Variants in CDH18 observed in about 807,000 individuals in gnomAD.
CDH18 encodes cadherin 18, also known as cadherin-18.
Under a neutral mutation model 67.9 loss-of-function variants are expected in CDH18, and 31 were observed. The observed-to-expected ratio is 0.46, with a 90% CI of 0.34 to 0.62. The LOEUF is 0.62. CDH18 is among the 20% of genes least tolerant of loss of function. The pLI, the probability that CDH18 is intolerant of heterozygous loss-of-function variation, is 0.01. For missense variants in CDH18, 890 were observed against 975.5 expected, an observed-to-expected ratio of 0.91 and a Z score of 1.17; for synonymous variants, 362 against 347.2, an observed-to-expected ratio of 1.04 and a Z score of -0.48.
intron 1 of CDH18, among the ~76,000 whole-genome samples, chr5:20,484,295 G>A (rs180775364): frequency 1.3e-5 from 2 of 152,090 alleles, no homozygotes; most frequent in Non-Finnish European, 2.9e-5. Flanking sequence ...TGGCAAGGAT[G>A]TGGAGAAAAG....
At chr5:19,819,531 T>A (rs1779636184) in intron 3 of CDH18, among the ~76,000 whole-genome samples, 1 of 152,118 alleles carries the variant, frequency 6.6e-6, no homozygotes, top group Non-Finnish European at 1.5e-5. Flanking sequence ...TGGCTCCCAG[T>A]TCTGACCAGG....
chr5:19,957,813 G>A (rs561372019), intron 2 of CDH18, among the ~76,000 whole-genome samples: 63 of 150,158 alleles, frequency 4.2e-4, no homozygotes, highest in Non-Finnish European at 7.8e-4. Context: ...TTTATTTTCA[G>A]AGTTAAAGGA....
chr5:19,909,036 T>C (rs1188215236), intron 2 of CDH18, among the ~76,000 whole-genome samples: 1 of 152,098 alleles, frequency 6.6e-6, no homozygotes, highest in Non-Finnish European at 1.5e-5. Flanking sequence ...GGAGCACATC[T>C]CCTATCCTCA....
intron 3 of CDH18, among the ~76,000 whole-genome samples, chr5:19,779,671 C>T (rs1774867360): frequency 6.6e-6 from 1 of 152,294 alleles, no homozygotes; most frequent in Middle Eastern, 3.4e-3. Context: ...ATCTTACTTA[C>T]ACCAACATCC....
At chr5:19,660,251 C>G (rs1024918007) in intron 5 of CDH18, among the ~76,000 whole-genome samples, 3 of 152,002 alleles carry the variant, frequency 2.0e-5, no homozygotes, top group African/African-American at 7.2e-5. Flanking sequence ...AGGCAACATA[C>G]GTGAACGTTC....
intron 7 of CDH18, among the ~76,000 whole-genome samples, chr5:19,584,944 AAGAT>A (rs1325605106): frequency 6.6e-6 from 1 of 151,624 alleles, no homozygotes; most frequent in East Asian, 1.9e-4. Flanking sequence ...GCAGTGAGTC[AAGAT>A]CGCACCACTG....
chr5:20,101,086 G>A lies in CDH18; in HGVS notation c.-517-109072C>T, dbSNP rs762823890. 9.1e-4 allele frequency among the ~76,000 whole-genome samples: 138 copies of A among 151,776 alleles called. 1 individual carries two copies. The highest frequency in any genetic ancestry group is 4.1e-3 in the Admixed American group (63 of 15,222). On this transcript the variant is annotated intron_variant, in intron 2 of 14. Transcript: ENST00000507958. ...CCTACCCAACCCTCTCACCTGGCTG[G>A]GACTACAGGTATGTACACCACATCG...
chr5:20,353,952 T>C (rs1435043703), intron 1 of CDH18, among the ~76,000 whole-genome samples: 1 of 152,224 alleles, frequency 6.6e-6, no homozygotes. Flanking sequence ...CTCGGTCAAT[T>C]TACTTTTAAA....
intron 1 of CDH18, among the ~76,000 whole-genome samples, chr5:20,307,982 G>A (rs1402436241): frequency 6.8e-6 from 1 of 147,730 alleles, no homozygotes; most frequent in Admixed American, 6.8e-5. Flanking sequence ...TTTTATTGTT[G>A]TTAGCTAAAT....
intron 3 of CDH18, among the ~76,000 whole-genome samples, chr5:19,763,683 T>C (rs939275038): frequency 2.6e-5 from 4 of 151,940 alleles, no homozygotes; most frequent in Non-Finnish European, 4.4e-5. Context: ...AGCAACGAAA[T>C]TGGATGAACT....
intron 1 of CDH18, among the ~76,000 whole-genome samples, chr5:20,346,960 AG>A (rs1477861572): frequency 6.6e-6 from 1 of 152,148 alleles, no homozygotes; most frequent in Non-Finnish European, 1.5e-5. Context: ...CAGAAAAATG[AG>A]GGGTATGTGC....
rs70950076 is a variant in CDH18 at position 19,593,709 on chromosome 5, T to TCCTCCTTCTTCC, written c.812-2466_812-2465insGGAAGAAGGAGG. Among the ~76,000 whole-genome samples the TCCTCCTTCTTCC allele has an allele frequency of 1.6e-3, 179 of 111,224 alleles. 11 individuals carry two copies. Among genetic ancestry groups the TCCTCCTTCTTCC allele is most frequent in the Middle Eastern group, 4.2e-3 (1 of 236 alleles). The allele number at this position is 111,224 out of a possible 152,430, so 73.0% of individuals were successfully genotyped here. A position where few individuals can be genotyped will look rare whatever the true frequency, so the allele number is the denominator to read the frequency against. On this transcript the variant is annotated intron_variant, in intron 6 of 12. Coordinates refer to ENST00000382275, the MANE Select transcript of CDH18 (RefSeq NM_004934.5). ...CTTCTCTTCCTCTTCCTCCTCCTCCTTCTTCTTCTTCTTCTTCTTCTTCTT... is the reference window on the plus strand; with the variant it reads ...CTTCTCTTCCTCTTCCTCCTCCTCCTCCTCCTTCTTCCTCTTCTTCTTCTTCTTCTTCTTCTT...
chr5:19,509,503 G>A (rs1442781465), intron 10 of CDH18, among the ~76,000 whole-genome samples: 3 of 151,962 alleles, frequency 2.0e-5, no homozygotes, highest in African/African-American at 4.8e-5. Flanking sequence ...TAATATAATC[G>A]TTAATAGTAT....
chr5:20,234,041 AAC>A (rs1213687985), intron 2 of CDH18, among the ~76,000 whole-genome samples: 5 of 152,134 alleles, frequency 3.3e-5, no homozygotes, highest in Non-Finnish European at 7.4e-5. Flanking sequence ...CCATAATAAC[AAC>A]ACTTTCATTC....
intron 1 of CDH18, among the ~76,000 whole-genome samples, chr5:20,549,574 G>T (rs1270631664): frequency 6.6e-6 from 1 of 152,134 alleles, no homozygotes; most frequent in Non-Finnish European, 1.5e-5. Context: ...GTTATCTTGA[G>T]CCCATAGGGA....
intron 1 of CDH18, among the ~76,000 whole-genome samples, chr5:20,497,547 G>T (rs1030191241): frequency 2.0e-5 from 3 of 152,050 alleles, no homozygotes; most frequent in African/African-American, 2.4e-5. Context: ...ATAATATCTA[G>T]GTTTGTGTAA....
At chr5:20,179,288 G>A (rs979197080) in intron 2 of CDH18, among the ~76,000 whole-genome samples, 1 of 152,058 alleles carries the variant, frequency 6.6e-6, no homozygotes, top group African/African-American at 2.4e-5. Flanking sequence ...TAACATAGTT[G>A]AGAACACAGA....
At chr5:19,675,563 C>T (rs935588646) in intron 5 of CDH18, among the ~76,000 whole-genome samples, 5 of 152,104 alleles carry the variant, frequency 3.3e-5, no homozygotes, top group East Asian at 3.9e-4. Context: ...GGCTCTGTTC[C>T]GCCTGGCCCA....
rs563755847 is a variant in CDH18, at chr5:20,171,687, C to T, written c.-518+83757G>A. On this transcript the variant is annotated intron_variant, in intron 2 of 14. Coordinates refer to the CDH18 transcript ENST00000507958. ...AGGTTGCTTGTTTATACTCGTGATA[C>T]TTTCTTTTGCATTGCAAAAGCTCTT... Among the ~76,000 whole-genome samples the T allele has an allele frequency of 7.8e-4, 119 of 151,984 alleles. 2 individuals are homozygous for T. The South Asian group carries it at 0.024, about 30-fold the overall frequency.
Sources: allele counts gnomAD v4.1 joint callset (sites outside exome capture counted in the v4.1 genomes callset), GRCh38; gene constraint gnomAD v4.1.1; transcripts MANE v1.5; gene names NCBI Gene and HGNC (gene_info 2026-07-23, HGNC 2026-07-21).